PTPRD: variants seen among roughly 807,000 people sequenced by gnomAD.
PTPRD encodes protein tyrosine phosphatase receptor type D.
A neutral mutation model predicts 214.5 loss-of-function variants in PTPRD; 34 were observed. The observed-to-expected ratio is 0.16, with a 90% CI of 0.12 to 0.21. PTPRD has a LOEUF of 0.21. PTPRD is among the 10% of genes least tolerant of loss of function. The pLI is 1.00. For missense variants in PTPRD, 2,545 were observed against 2,398.7 expected, an observed-to-expected ratio of 1.06 and a Z score of -1.27; for synonymous variants, 1,128 against 845.7, an observed-to-expected ratio of 1.33 and a Z score of -5.79.
intron 21 of PTPRD, among the ~76,000 whole-genome samples, chr9:8,513,574 T>A (rs1394275260): frequency 6.6e-6 from 1 of 152,126 alleles, no homozygotes; most frequent in African/African-American, 2.4e-5. Context: ...AATTCCTACA[T>A]ATTATTGATC....
At chr9:10,407,214 A>C (rs2098377895) in intron 2 of PTPRD, among the ~76,000 whole-genome samples, 1 of 151,580 alleles carries the variant, frequency 6.6e-6, no homozygotes, top group Non-Finnish European at 1.5e-5. Flanking sequence ...TAAAATAAAA[A>C]ATATTGTTCT....
Position 8,927,913 on chromosome 9 carries a change from C to A in PTPRD, c.-104+90784G>T, listed in dbSNP as rs202209621. Reference sequence around the variant, plus strand: ...ATGATTGCCATTCTAACTGGCATGACATGGTATCTCATTGTGGTTTTGATT... The same window carrying A: ...ATGATTGCCATTCTAACTGGCATGAAATGGTATCTCATTGTGGTTTTGATT... On this transcript the variant is annotated intron_variant, in intron 11 of 45. Coordinates refer to ENST00000381196, the MANE Select transcript of PTPRD (RefSeq NM_002839.4). 1.1e-3 allele frequency among the ~76,000 whole-genome samples: 167 copies of A among 152,192 alleles called. 1 individual carries two copies. The highest frequency in any genetic ancestry group is 3.8e-3 in the African/African-American group (158 of 41,566).
chr9:8,888,932 A>C (rs1216509449), intron 11 of PTPRD, among the ~76,000 whole-genome samples: 1 of 152,212 alleles, frequency 6.6e-6, no homozygotes, highest in Non-Finnish European at 1.5e-5. Context: ...TATCTGTATA[A>C]TGGAGGCAGT....
intron 9 of PTPRD, among the ~76,000 whole-genome samples, chr9:9,267,932 T>C (rs1045221474): frequency 6.6e-6 from 1 of 151,188 alleles, no homozygotes; most frequent in Non-Finnish European, 1.5e-5. Context: ...TTTTCAGTGG[T>C]GAAAAGTTAA....
intron 8 of PTPRD, among the ~76,000 whole-genome samples, chr9:9,539,526 A>G (rs1792203553): frequency 6.6e-6 from 1 of 151,884 alleles, no homozygotes; most frequent in South Asian, 2.1e-4. Context: ...AGTCCTAGTT[A>G]GGCTTTGATT....
chr9:9,647,299 G>T (rs2096217534), intron 7 of PTPRD, among the ~76,000 whole-genome samples: 1 of 152,056 alleles, frequency 6.6e-6, no homozygotes, highest in East Asian at 1.9e-4. Flanking sequence ...TTTGATGACT[G>T]CTAATTGCAA....
chr9:10,255,529 T>C (rs1444791102), intron 3 of PTPRD, among the ~76,000 whole-genome samples: 2 of 152,100 alleles, frequency 1.3e-5, no homozygotes, highest in Non-Finnish European at 2.9e-5. Context: ...TTGATCTAGG[T>C]GAGAGGTGCG....
At chr9:10,524,613 A>G (rs2053632320) in intron 2 of PTPRD, among the ~76,000 whole-genome samples, 1 of 152,102 alleles carries the variant, frequency 6.6e-6, no homozygotes, top group Non-Finnish European at 1.5e-5. Context: ...TTCAATAAGG[A>G]TATGTGTTGC....
At chr9:9,656,545 T>C (rs186046268) in intron 7 of PTPRD, among the ~76,000 whole-genome samples, 53 of 152,190 alleles carry the variant, frequency 3.5e-4, no homozygotes, top group Non-Finnish European at 6.8e-4. Flanking sequence ...TTACATGAAA[T>C]TCTAAAAAAT....
rs926712931 is a variant in PTPRD at position 9,314,141 on chromosome 9, C to A, written c.-203+83308G>T. Among the ~76,000 whole-genome samples, 4 of 152,172 alleles carry A rather than the reference C, an allele frequency of 2.6e-5. 1 individual carries two copies. Among genetic ancestry groups the A allele is most frequent in the Middle Eastern group, 6.8e-3 (2 of 294 alleles). ...AAGGTGGTGGAGATATTGGCATGTGCATTATTAAGATAGTCTGAATATGGT... is the reference window on the plus strand; with the variant it reads ...AAGGTGGTGGAGATATTGGCATGTGAATTATTAAGATAGTCTGAATATGGT... On this transcript the variant is annotated intron_variant, in intron 9 of 45. Transcript: ENST00000381196.
At position 9,885,893 on chromosome 9, in the gene PTPRD, G is replaced by A. The variant is rs1048095882; in HGVS notation, c.-368+52614C>T. 2.1e-4 allele frequency among the ~76,000 whole-genome samples: 32 copies of A among 149,702 alleles called. 1 individual carries two copies. The Admixed American group carries it at 2.1e-3, about 10-fold the overall frequency. On this transcript the variant is annotated intron_variant, in intron 5 of 45. Transcript: ENST00000381196. The stretch of plus-strand genomic sequence containing the variant: ...AAACCATGGCCAAAAAGAAGAGAAG[G>A]GCCTATCTGCCTATCTGAAAGAGAT...
intron 2 of PTPRD, among the ~76,000 whole-genome samples, chr9:10,412,265 A>G (rs966865766): frequency 6.6e-6 from 1 of 151,834 alleles, no homozygotes. Flanking sequence ...AAAAATAACA[A>G]TTAGAAACTA....
intron 12 of PTPRD, among the ~76,000 whole-genome samples, chr9:8,699,485 T>C (rs1470581650): frequency 1.3e-5 from 2 of 152,168 alleles, no homozygotes; most frequent in Non-Finnish European, 2.9e-5. Flanking sequence ...AATGACTCAT[T>C]TAGAATACAT....
At chr9:9,282,429 T>G (rs373258321) in intron 9 of PTPRD, among the ~76,000 whole-genome samples, 17 of 151,472 alleles carry the variant, frequency 1.1e-4, no homozygotes, top group African/African-American at 4.1e-4. Flanking sequence ...TGAAATGAAA[T>G]AAACAGTGAA....
intron 10 of PTPRD, among the ~76,000 whole-genome samples, chr9:9,088,653 T>C (rs1361062140): frequency 6.7e-6 from 1 of 149,994 alleles, no homozygotes; most frequent in Non-Finnish European, 1.5e-5. Context: ...CCTTCATACT[T>C]TACAAATATT....
At chr9:9,606,955 T>G in intron 7 of PTPRD, among the ~76,000 whole-genome samples, 1 of 97,540 alleles carries the variant, frequency 1.0e-5, no homozygotes, top group South Asian at 3.8e-4. Context: ...ATCTGATTAC[T>G]CAGCACTGCT....
intron 11 of PTPRD, among the ~76,000 whole-genome samples, chr9:8,809,728 C>T (rs1011356590): frequency 6.6e-6 from 1 of 152,152 alleles, no homozygotes; most frequent in African/African-American, 2.4e-5. Context: ...CCAGCAGATA[C>T]AACACTGCTG....
rs1275525389 is a variant in PTPRD, at chr9:10,404,789, A to G, written c.-599-63772T>C. ...GTTCCCAAGCCAATTTCAGATCCTC[A>G]GCACTGACAAACATGTATCAGCCAA... On this transcript the variant is annotated intron_variant, in intron 2 of 45. Transcript: ENST00000381196. Among the ~76,000 whole-genome samples, 2 of 48,986 alleles carry G rather than the reference A, an allele frequency of 4.1e-5. 1 individual carries two copies. Among genetic ancestry groups the G allele is most frequent in the African/African-American group, 1.0e-4 (2 of 20,018 alleles). 32.1% of individuals were successfully genotyped at this position (48,986 alleles called of 152,430 possible). A position where few individuals can be genotyped will look rare whatever the true frequency, so the allele number is the denominator to read the frequency against.
At chr9:9,781,475 A>G (rs2154490445) in intron 5 of PTPRD, among the ~76,000 whole-genome samples, 1 of 152,316 alleles carries the variant, frequency 6.6e-6, no homozygotes, top group Admixed American at 6.5e-5. Flanking sequence ...ATCTAGTCAA[A>G]TTTAATCAAA....
Sources: gnomAD v4.1 joint callset for allele counts (sites outside exome capture counted in the v4.1 genomes callset) on GRCh38, gnomAD v4.1.1 for gene constraint, MANE v1.5 for transcripts, NCBI Gene and HGNC (gene_info 2026-07-23, HGNC 2026-07-21) for gene names.